Variants in VMA12 observed in about 807,000 individuals in gnomAD.
VMA12 encodes the protein vacuolar ATPase assembly protein VMA12.
At chr17:28,359,973 CTTT>C in the VMA12 span, among the ~76,000 whole-genome samples, 2 of 145,470 alleles carry the variant, frequency 1.4e-5, no homozygotes, top group Non-Finnish European at 3.0e-5. Context: ...TTTTCTTCTT[CTTT>C]TTTTTTTTTG....
the VMA12 span, chr17:28,359,003 A>G: frequency 6.2e-7 from 1 of 1,603,780 alleles, no homozygotes; most frequent in Non-Finnish European, 8.5e-7. Flanking sequence ...TGTAAGGGAT[A>G]TGTTTGTGAG....
At chr17:28,357,979 C>A in the VMA12 span, 1 of 1,299,514 alleles carries the variant, frequency 7.7e-7, no homozygotes, top group Non-Finnish European at 1.1e-6. Context: ...ACGGAGCACT[C>A]ATCTAGACAA....
the VMA12 span, among the ~76,000 whole-genome samples, chr17:28,359,852 T>C: frequency 6.6e-6 from 1 of 152,082 alleles, no homozygotes; most frequent in African/African-American, 2.4e-5. Flanking sequence ...CAGAGGCTGC[T>C]GTGAGCCAAC....
chr17:28,360,450 G>C, the VMA12 span: 5 of 1,199,026 alleles, frequency 4.2e-6, no homozygotes, highest in Non-Finnish European at 4.6e-6. Flanking sequence ...TTGGGGAATA[G>C]AGAGGGCTGA....
the VMA12 span, chr17:28,359,338 G>A: frequency 1.9e-6 from 3 of 1,614,036 alleles, no homozygotes; most frequent in Non-Finnish European, 2.5e-6. Context: ...TTGCCCGGCT[G>A]GAGAAGATTA....
At chr17:28,358,983 T>A in the VMA12 span, 1 of 1,612,162 alleles carries the variant, frequency 6.2e-7, no homozygotes, top group East Asian at 2.2e-5. Flanking sequence ...TTGTGAAGCC[T>A]CCACGGGTAT....
the VMA12 span, chr17:28,363,678 G>A: frequency 2.0e-5 from 3 of 152,156 alleles, no homozygotes; most frequent in Admixed American, 1.3e-4. Flanking sequence ...ATCAACATAA[G>A]CCCCAGCTTC....
At chr17:28,360,841 G>A in the VMA12 span, 1 of 1,613,618 alleles carries the variant, frequency 6.2e-7, no homozygotes, top group South Asian at 1.1e-5. Flanking sequence ...TCACAGAAAT[G>A]GCCTCGGTGA....
the VMA12 span, chr17:28,358,544 C>T: frequency 2.1e-6 from 1 of 478,802 alleles, no homozygotes; most frequent in Non-Finnish European, 4.3e-6. Flanking sequence ...CTAGAAAGGA[C>T]CTTAGAAAGA....
At chr17:28,359,176 T>C in the VMA12 span, 15 of 1,001,970 alleles carry the variant, frequency 1.5e-5, no homozygotes, top group East Asian at 3.7e-4. Flanking sequence ...AAAAAAACAG[T>C]TTCAAAGCAC....
At chr17:28,359,902 A>T in the VMA12 span, among the ~76,000 whole-genome samples, 1 of 151,804 alleles carries the variant, frequency 6.6e-6, no homozygotes, top group Non-Finnish European at 1.5e-5. Flanking sequence ...CAAGAGCAAG[A>T]CTCCATCTCA....
At chr17:28,357,930 T>G in the VMA12 span, 1 of 1,596,644 alleles carries the variant, frequency 6.3e-7, no homozygotes, top group Non-Finnish European at 8.6e-7. Context: ...TCCAGATCGA[T>G]TCCCTCCTGA....
At chr17:28,360,685 C>T in the VMA12 span, 3 of 1,605,160 alleles carry the variant, frequency 1.9e-6, no homozygotes, top group African/African-American at 4.0e-5. Context: ...ATAAGAGCAC[C>T]TCCTAGAGAA....
chr17:28,359,985 T>C, the VMA12 span, among the ~76,000 whole-genome samples: 1 of 151,976 alleles, frequency 6.6e-6, no homozygotes, highest in South Asian at 2.1e-4. Flanking sequence ...TTTTTTTTTT[T>C]GAGATGGAGT....
the VMA12 span, chr17:28,360,249 G>C: frequency 5.9e-6 from 2 of 336,306 alleles, no homozygotes; most frequent in Admixed American, 4.1e-5. Flanking sequence ...GTGAGCCACT[G>C]TGCCCAGCCA....
At chr17:28,361,159 G>A in the VMA12 span, 3 of 1,614,106 alleles carry the variant, frequency 1.9e-6, no homozygotes, top group Non-Finnish European at 1.7e-6. Context: ...ATCTCCAGCG[G>A]GTGCTAGCTG....
At chr17:28,358,979 A>G in the VMA12 span, 1 of 1,612,918 alleles carries the variant, frequency 6.2e-7, no homozygotes. Context: ...GAGGTTGTGA[A>G]GCCTCCACGG....
the VMA12 span, chr17:28,357,902 C>A: frequency 1.2e-5 from 19 of 1,612,560 alleles, no homozygotes; most frequent in Admixed American, 1.7e-5. Context: ...GTCTCCAGTC[C>A]GGGGTCCCCT....
the VMA12 span, chr17:28,358,162 T>C: frequency 2.0e-6 from 1 of 497,196 alleles, no homozygotes. Flanking sequence ...TTTTACCAAA[T>C]ACAAATATCA....
Sources: gnomAD v4.1 joint callset for allele counts (sites outside exome capture counted in the v4.1 genomes callset) on GRCh38, gnomAD v4.1.1 for gene constraint, MANE v1.5 for transcripts, NCBI Gene and HGNC (gene_info 2026-07-23, HGNC 2026-07-21) for gene names.